Variants in RCAN2 observed in about 807,000 individuals in gnomAD.
The protein encoded by RCAN2 is calcipressin-2.
A neutral mutation model predicts 23.6 loss-of-function variants in RCAN2; 9 were observed. The ratio of observed to expected loss-of-function variants is 0.38; its 90% CI spans 0.23 to 0.67. RCAN2 has a LOEUF of 0.67. Ranked by LOEUF, RCAN2 falls within the 30% of genes least tolerant of loss-of-function variation. The pLI, the probability that RCAN2 is intolerant of heterozygous loss-of-function variation, is 0.51. For synonymous variants in RCAN2, 109 were observed against 115.7 expected (o/e 0.94, Z 0.37); for missense variants, 273 against 302.3 (o/e 0.90, Z 0.72).
intron 2 of RCAN2, among the ~76,000 whole-genome samples, chr6:46,359,354 T>C (rs1764933079): frequency 6.6e-6 from 1 of 152,208 alleles, no homozygotes; most frequent in South Asian, 2.1e-4. Context: ...AGACAGGGAC[T>C]GGGCTCTAAA....
At chr6:46,295,601 T>TGAGGCAGGAGATA (rs1164091455) in intron 2 of RCAN2, among the ~76,000 whole-genome samples, 2 of 152,110 alleles carry the variant, frequency 1.3e-5, no homozygotes, top group East Asian at 3.9e-4. Context: ...AAGCAGTTTT[T>TGAGGCAGGAGATA]GAGGCAGGAG....
At chr6:46,399,990 T>C (rs911887395) in intron 2 of RCAN2, among the ~76,000 whole-genome samples, 3 of 152,208 alleles carry the variant, frequency 2.0e-5, no homozygotes, top group Non-Finnish European at 2.9e-5. Flanking sequence ...TCAGCACTCA[T>C]GTGTCTCACA....
At chr6:46,237,316 A>G (rs6458498) in intron 4 of RCAN2, among the ~76,000 whole-genome samples, 6,160 of 152,328 alleles carry the variant, frequency 0.04, 416 homozygotes, top group African/African-American at 0.14. Context: ...ACAATAAATT[A>G]TGAAAAGAAG....
chr6:46,484,867 G>A (rs919113020), intron 1 of RCAN2, among the ~76,000 whole-genome samples: 1 of 152,158 alleles, frequency 6.6e-6, no homozygotes, highest in Non-Finnish European at 1.5e-5. Flanking sequence ...AATATTTCCA[G>A]GGTAGGGGCT....
intron 2 of RCAN2, among the ~76,000 whole-genome samples, chr6:46,299,816 A>T (rs1230366560): frequency 6.6e-6 from 1 of 152,046 alleles, no homozygotes; most frequent in Non-Finnish European, 1.5e-5. Flanking sequence ...GGAATACAAT[A>T]TTGAACACAG....
chr6:46,367,194 G>A (rs1765201857), intron 2 of RCAN2, among the ~76,000 whole-genome samples: 1 of 151,340 alleles, frequency 6.6e-6, no homozygotes, highest in African/African-American at 2.4e-5. Context: ...ATTGGCTTAA[G>A]GGTGGCTTAA....
chr6:46,260,620 T>C (rs1441647339), intron 2 of RCAN2, among the ~76,000 whole-genome samples: 2 of 152,166 alleles, frequency 1.3e-5, no homozygotes, highest in East Asian at 3.8e-4. Flanking sequence ...CTGTCCATCC[T>C]TTGGGTGAGT....
intron 2 of RCAN2, among the ~76,000 whole-genome samples, chr6:46,369,400 T>C (rs1024037065): frequency 1.3e-5 from 2 of 152,236 alleles, no homozygotes; most frequent in African/African-American, 4.8e-5. Flanking sequence ...TAAAGTATTA[T>C]GTACTGTACA....
At chr6:46,301,041 G>C (rs137987074) in intron 2 of RCAN2, among the ~76,000 whole-genome samples, 42 of 151,886 alleles carry the variant, frequency 2.8e-4, no homozygotes, top group African/African-American at 9.2e-4. Context: ...TGGGAAAACT[G>C]AAACATCTTG....
intron 2 of RCAN2, among the ~76,000 whole-genome samples, chr6:46,319,794 C>G (rs1205507131): frequency 6.6e-6 from 1 of 152,158 alleles, no homozygotes; most frequent in Non-Finnish European, 1.5e-5. Flanking sequence ...AAAATGGCCT[C>G]AATTCTAGTC....
intron 2 of RCAN2, among the ~76,000 whole-genome samples, chr6:46,249,970 A>C (rs1766654272): frequency 6.6e-6 from 1 of 152,238 alleles, no homozygotes. Flanking sequence ...TTATTCCTAC[A>C]GCATAACCAA....
chr6:46,229,278 G>A (rs1765789053), intron 4 of RCAN2, among the ~76,000 whole-genome samples: 1 of 152,054 alleles, frequency 6.6e-6, no homozygotes. Flanking sequence ...GAGTATCTTT[G>A]TGGCGTTCTC....
intron 2 of RCAN2, among the ~76,000 whole-genome samples, chr6:46,410,746 G>A (rs752837081): frequency 6.6e-6 from 1 of 152,080 alleles, no homozygotes; most frequent in Non-Finnish European, 1.5e-5. Context: ...TCTTATAACA[G>A]CAAATCTTCT....
chr6:46,247,009 C>T (rs748904216), intron 3 of RCAN2, 90 bp from the exon 4 acceptor site: 2 of 1,156,316 alleles, frequency 1.7e-6, no homozygotes, highest in Non-Finnish European at 2.4e-6. Context: ...TAGTTTCAGC[C>T]TGCGACAAAT....
chr6:46,291,221 AG>A (rs1491097782), intron 2 of RCAN2, among the ~76,000 whole-genome samples: 1 of 151,228 alleles, frequency 6.6e-6, no homozygotes, highest in South Asian at 2.1e-4. Context: ...CCACAGAGTC[AG>A]GGGGAAAAAA....
chr6:46,266,968 A>G (rs1258502705), intron 2 of RCAN2, among the ~76,000 whole-genome samples: 1 of 152,180 alleles, frequency 6.6e-6, no homozygotes, highest in Non-Finnish European at 1.5e-5. Context: ...CCTCCCTGAT[A>G]TAGTATGACC....
rs73735752 is a variant in RCAN2 at position 46,323,524 on chromosome 6, A to T, written c.226-74628T>A. Reference sequence around the variant, plus strand: ...TGAAGAACAGCATCAGCTGTTCACCATCTAGCCCTGACTCACCTCCTTTCC... The same window carrying T: ...TGAAGAACAGCATCAGCTGTTCACCTTCTAGCCCTGACTCACCTCCTTTCC... On this transcript the variant is annotated intron_variant, in intron 2 of 4. Coordinates refer to ENST00000371374, the MANE Select transcript of RCAN2 (RefSeq NM_001251974.2). Among the ~76,000 whole-genome samples, 5 of 152,312 alleles carry T rather than the reference A, an allele frequency of 3.3e-5. No homozygotes were observed. In the South Asian group the frequency reaches 8.3e-4, roughly 25 times the overall value.
At chr6:46,462,081 A>G (rs556001341) in intron 1 of RCAN2, among the ~76,000 whole-genome samples, 1 of 152,330 alleles carries the variant, frequency 6.6e-6, no homozygotes, top group South Asian at 2.1e-4. Context: ...ATCATCTTCT[A>G]CTGTTAAGTG....
intron 2 of RCAN2, among the ~76,000 whole-genome samples, chr6:46,346,114 A>G (rs777600762): frequency 7.2e-5 from 11 of 152,178 alleles, no homozygotes; most frequent in Non-Finnish European, 1.5e-4. Flanking sequence ...GAAAATAAAA[A>G]TATATTCCTC....
Sources: gnomAD v4.1 joint callset for allele counts (sites outside exome capture counted in the v4.1 genomes callset) on GRCh38, gnomAD v4.1.1 for gene constraint, MANE v1.5 for transcripts, NCBI Gene and HGNC (gene_info 2026-07-23, HGNC 2026-07-21) for gene names.